The following NUP210 variants were observed in gnomAD, a reference collection of about 807,000 sequenced individuals.
NUP210 encodes nuclear pore membrane glycoprotein 210.
Under a neutral mutation model 196.0 loss-of-function variants are expected in NUP210, and 151 were observed. That is an observed-to-expected ratio of 0.77 (90% CI 0.67 to 0.88). The LOEUF (loss-of-function observed/expected upper bound fraction) is 0.88. Among genes scored for constraint, NUP210 ranks in the 40% least tolerant of loss-of-function variants. NUP210 has a pLI of 0.00. For missense variants in NUP210, 2,314 were observed against 2,493.7 expected, an observed-to-expected ratio of 0.93 and a Z score of 1.53; for synonymous variants, 1,070 against 1,052.7, an observed-to-expected ratio of 1.02 and a Z score of -0.32.
At chr3:13,417,921 G>GA (rs1442937144) in intron 1 of NUP210, among the ~76,000 whole-genome samples, 1 of 152,080 alleles carries the variant, frequency 6.6e-6, no homozygotes, top group Non-Finnish European at 1.5e-5. Context: ...TGTTGGGGGG[G>GA]AAAAAAGTGT....
At chr3:13,370,975 G>A (rs1402470307) in intron 13 of NUP210, among the ~76,000 whole-genome samples, 1 of 152,216 alleles carries the variant, frequency 6.6e-6, no homozygotes, top group East Asian at 1.9e-4. Context: ...AGTCCTCCAC[G>A]TGCACAGGCA....
chr3:13,381,848 C>T (rs939551975), intron 6 of NUP210, among the ~76,000 whole-genome samples: 15 of 152,016 alleles, frequency 9.9e-5, no homozygotes, highest in African/African-American at 2.4e-4. Context: ...TTTCTGTCAG[C>T]GCCCCCACTC....
At chr3:13,372,523 G>T (rs892075996) in intron 12 of NUP210, among the ~76,000 whole-genome samples, 21 of 152,300 alleles carry the variant, frequency 1.4e-4, no homozygotes, top group African/African-American at 5.1e-4. Flanking sequence ...CTGTTGGAAA[G>T]CCCCAGAGAG....
chr3:13,345,979 C>T (rs1191351785), intron 20 of NUP210, among the ~76,000 whole-genome samples: 1 of 152,378 alleles, frequency 6.6e-6, no homozygotes, highest in African/African-American at 2.4e-5. Flanking sequence ...AGTGCACCGA[C>T]TGCGGAGCCC....
In NUP210 at chr3:13,354,274, C is replaced by T. The variant is rs1698091070; in HGVS notation, c.2329-167G>A. The T allele has an allele frequency of 4.8e-6, 3 of 619,714 alleles. No individual in the cohort carries two copies. The African/African-American group carries it at 5.5e-5, about 11-fold the overall frequency. The allele number at this position is 619,714 out of a possible 1,614,324, so 38.4% of individuals were successfully genotyped here. On this transcript the variant is annotated intron_variant, in intron 16 of 39. Transcript: ENST00000254508. ...TCCTCACTATTGCCACCCACCAGGT[C>T]CCCCCATGGCCCTGTCCAAGCTGGC...
Position 13,339,734 on chromosome 3 carries a change from AC to A in NUP210, c.3471+119del, listed in dbSNP as rs1697381441. On this transcript the variant is annotated intron_variant, in intron 25 of 39. Coordinates refer to ENST00000254508, the MANE Select transcript of NUP210 (RefSeq NM_024923.4). ...ACCAGGGCCCCTGCAGTGACTGCAGACCCAGGGGGCAGAAGCAGCACCCTTG... is the reference window on the plus strand; with the variant it reads ...ACCAGGGCCCCTGCAGTGACTGCAGACCAGGGGGCAGAAGCAGCACCCTTG... The A allele has an allele frequency of 5.6e-6, 5 of 895,644 alleles. No individual in the cohort carries two copies. In the African/African-American group the frequency reaches 8.2e-5, roughly 15 times the overall value. 55.5% of individuals were successfully genotyped at this position (895,644 alleles called of 1,614,324 possible).
intron 20 of NUP210, 39 bp from the exon 21 acceptor site, chr3:13,343,342 G>GGGGGGGGGT: frequency 1.4e-5 from 9 of 655,988 alleles, no homozygotes; most frequent in South Asian, 3.3e-5. Context: ...TGGGTGGTGG[G>GGGGGGGGGT]TTACGCAGCT....
At chr3:13,380,821 AAG>A (rs1404946949) in intron 6 of NUP210, among the ~76,000 whole-genome samples, 1 of 152,244 alleles carries the variant, frequency 6.6e-6, no homozygotes, top group Admixed American at 6.5e-5. Context: ...AGAATTCTAA[AAG>A]AGAGGAAACT....
At chr3:13,396,743 A>G (rs1207555646) in intron 3 of NUP210, among the ~76,000 whole-genome samples, 2 of 137,288 alleles carry the variant, frequency 1.5e-5, no homozygotes, top group East Asian at 2.2e-4. Context: ...CTGAGCAACA[A>G]GAGCAAGACT....
At chr3:13,401,173 C>A (rs551217232) in intron 1 of NUP210, among the ~76,000 whole-genome samples, 2 of 36,282 alleles carry the variant, frequency 5.5e-5, no homozygotes, top group African/African-American at 1.3e-4. Context: ...GCAGGAGAAT[C>A]GCTTGAACCC....
At position 13,328,786 on chromosome 3, in the gene NUP210, T is replaced by C; in HGVS notation, c.4271A>G (p.Asn1424Ser). ...CACATCCTACCTGTTAGTGGCAAAG[T>C]TGAGGACCGAACTGTGAGCATGGAA... is the stretch of plus-strand genomic sequence containing the variant. ...DVFHAHSSVLNFATNRDDFVQ... is the reference protein window; with the variant it reads ...DVFHAHSSVLSFATNRDDFVQ... The change falls in exon 31 of 40, where the codon AAC becomes AGC. Residue 1424 changes from asparagine (N) to serine (S), a missense_variant. By Grantham distance (46) the Asn-to-Ser change is conservative. Transcript: ENST00000254508. 6.2e-7 allele frequency: 1 copy of C among 1,614,122 alleles called. No individual in the cohort carries two copies. Among genetic ancestry groups the C allele is most frequent in the South Asian group, 1.1e-5 (1 of 91,082 alleles).
Position 13,319,270 on chromosome 3 carries a change from C to A in NUP210, c.5439G>T (p.Thr1813=). The stretch of plus-strand genomic sequence containing the variant: ...CTGTCCCAGCCAACAGGGCGAAGAG[C>A]GTGAAGAACATGACCTGGTAGGAAT... ...FLDSYQVMFF[T]LFALLAGTAV... Residue 1813 remains threonine, a synonymous_variant, in exon 38 of 40, where the codon ACG becomes ACT. Transcript: ENST00000254508. The A allele has an allele frequency of 6.2e-7, 1 of 1,613,260 alleles. No individual in the cohort carries two copies. Among genetic ancestry groups the A allele is most frequent in the Non-Finnish European group, 8.5e-7 (1 of 1,179,644 alleles).
intron 18 of NUP210, among the ~76,000 whole-genome samples, chr3:13,352,565 G>C (rs1698017346): frequency 6.6e-6 from 1 of 152,246 alleles, no homozygotes; most frequent in African/African-American, 2.4e-5. Context: ...TCCCCTGGAA[G>C]TGTGGCCAAG....
chr3:13,394,895 A>C (rs1220358039), intron 3 of NUP210, among the ~76,000 whole-genome samples: 3 of 152,252 alleles, frequency 2.0e-5, no homozygotes, highest in Admixed American at 2.0e-4. Flanking sequence ...AAAAGGCAAA[A>C]GAAATGATGA....
At chr3:13,328,287 C>A (rs143380218) in intron 31 of NUP210, among the ~76,000 whole-genome samples, 4 of 152,234 alleles carry the variant, frequency 2.6e-5, no homozygotes, top group South Asian at 4.1e-4. Flanking sequence ...TATTGCCCAA[C>A]GTGAGAGGTG....
At chr3:13,394,657 G>C (rs768766099) in intron 3 of NUP210, among the ~76,000 whole-genome samples, 1 of 152,232 alleles carries the variant, frequency 6.6e-6, no homozygotes, top group African/African-American at 2.4e-5. Flanking sequence ...TAGTGGGCAT[G>C]AGACCATTTA....
intron 3 of NUP210, among the ~76,000 whole-genome samples, chr3:13,395,305 T>C (rs1445654821): frequency 6.6e-6 from 1 of 152,216 alleles, no homozygotes; most frequent in Non-Finnish European, 1.5e-5. Flanking sequence ...TAGCAAGTGC[T>C]GGCCAGGACG....
chr3:13,348,484 C>T lies in NUP210; in HGVS notation c.2835+3395G>A, dbSNP rs535996021. On this transcript the variant is annotated intron_variant, in intron 20 of 39. Coordinates refer to ENST00000254508, the MANE Select transcript of NUP210 (RefSeq NM_024923.4). The surrounding 1 kb of genome is among the most constrained non-coding windows in gnomAD (Gnocchi z 4.0). The stretch of plus-strand genomic sequence containing the variant: ...CATTTTTCCCTAACTTGGAACTCCC[C>T]TCTTCTTGGTAATGGGGAAGTTTTT... 9 of 985,432 alleles carry T rather than the reference C, an allele frequency of 9.1e-6. No individual in the cohort carries two copies. Among genetic ancestry groups the T allele is most frequent in the African/African-American group, 3.5e-5 (2 of 57,366 alleles). The allele number at this position is 985,432 out of a possible 1,614,324, so 61.0% of individuals were successfully genotyped here. A position where few individuals can be genotyped will look rare whatever the true frequency, so the allele number is the denominator to read the frequency against.
chr3:13,360,022 G>A (rs1366375720), intron 15 of NUP210, among the ~76,000 whole-genome samples: 3 of 152,184 alleles, frequency 2.0e-5, no homozygotes, highest in Admixed American at 1.3e-4. Flanking sequence ...CCATGGAGGT[G>A]GCAAGCCACC....
Sources: allele counts gnomAD v4.1 joint callset (sites outside exome capture counted in the v4.1 genomes callset), GRCh38; gene constraint gnomAD v4.1.1; non-coding constraint Gnocchi (gnomAD v3.1); transcripts MANE v1.5; gene names NCBI Gene and HGNC (gene_info 2026-07-23, HGNC 2026-07-21).